The following MTUS2 variants were observed in gnomAD, a reference collection of about 807,000 sequenced individuals.
The protein encoded by MTUS2 is microtubule-associated tumor suppressor candidate 2.
MTUS2 carries 40 observed loss-of-function variants against 114.1 expected under a neutral mutation model. That is an observed-to-expected ratio of 0.35 (90% CI 0.27 to 0.46). The LOEUF is 0.46. Among genes scored for constraint, MTUS2 ranks in the 20% least tolerant of loss-of-function variants. MTUS2 has a pLI of 1.00. For synonymous variants in MTUS2, 688 were observed against 672.0 expected (o/e 1.02, Z -0.37); for missense variants, 1,679 against 1,705.4 (o/e 0.98, Z 0.27).
intron 10 of MTUS2, chr13:29,485,227 A>G (rs1050452812): frequency 2.6e-5 from 4 of 152,594 alleles, no homozygotes; most frequent in Admixed American, 1.3e-4. Flanking sequence ...GCTTGTTTAA[A>G]TCTCCTCCAA....
chr13:29,188,644 G>A (rs558557338), intron 5 of MTUS2, among the ~76,000 whole-genome samples: 12 of 152,300 alleles, frequency 7.9e-5, no homozygotes, highest in Non-Finnish European at 1.3e-4. Flanking sequence ...GGCCACTGCT[G>A]TGCTTCAGGG....
chr13:29,340,762 C>T (rs931243193), intron 7 of MTUS2, among the ~76,000 whole-genome samples: 3 of 152,170 alleles, frequency 2.0e-5, no homozygotes, highest in East Asian at 1.9e-4. Flanking sequence ...TAGCAGTGTA[C>T]GTTGCATGCA....
chr13:28,920,262 A>G (rs1368831258), intron 2 of MTUS2, among the ~76,000 whole-genome samples: 2 of 152,188 alleles, frequency 1.3e-5, no homozygotes, highest in Non-Finnish European at 2.9e-5. Flanking sequence ...AGCTTTCTAG[A>G]TATTCAAAAG....
intron 8 of MTUS2, among the ~76,000 whole-genome samples, chr13:29,374,878 A>G (rs1871458773): frequency 1.3e-5 from 2 of 152,198 alleles, no homozygotes; most frequent in South Asian, 2.1e-4. Context: ...GTGAGCCGAG[A>G]TCATGCCATT....
At chr13:28,965,584 T>TA (rs1324988046) in intron 2 of MTUS2, among the ~76,000 whole-genome samples, 1 of 152,196 alleles carries the variant, frequency 6.6e-6, no homozygotes, top group Non-Finnish European at 1.5e-5. Flanking sequence ...TATATGTATA[T>TA]ATGCATAACA....
chr13:28,876,973 G>T (rs893060201), intron 2 of MTUS2, among the ~76,000 whole-genome samples: 1 of 151,734 alleles, frequency 6.6e-6, no homozygotes, highest in Non-Finnish European at 1.5e-5. Context: ...GTTGCTTATT[G>T]TCTACTTTTA....
intron 2 of MTUS2, among the ~76,000 whole-genome samples, chr13:28,940,613 C>T (rs972344878): frequency 1.3e-5 from 2 of 151,404 alleles, no homozygotes; most frequent in African/African-American, 4.9e-5. Context: ...GAGAGTAGAA[C>T]TGGAAACTGT....
At chr13:29,109,526 C>T (rs1422398821) in intron 5 of MTUS2, among the ~76,000 whole-genome samples, 1 of 152,174 alleles carries the variant, frequency 6.6e-6, no homozygotes, top group Non-Finnish European at 1.5e-5. Context: ...AGATACATTG[C>T]CTGGGCTCAC....
intron 2 of MTUS2, among the ~76,000 whole-genome samples, chr13:28,921,353 T>C (rs1881030601): frequency 6.6e-6 from 1 of 152,242 alleles, no homozygotes; most frequent in Admixed American, 6.5e-5. Context: ...TAGAGCCTCA[T>C]GACTGCCTGG....
chr13:29,012,432 G>A (rs944646476), intron 2 of MTUS2, among the ~76,000 whole-genome samples: 6 of 152,276 alleles, frequency 3.9e-5, no homozygotes, highest in East Asian at 1.9e-4. Context: ...TAAGGCCATC[G>A]GATTTGTGGT....
At chr13:29,237,434 T>C (rs919092278) in intron 5 of MTUS2, among the ~76,000 whole-genome samples, 1 of 152,174 alleles carries the variant, frequency 6.6e-6, no homozygotes, top group Non-Finnish European at 1.5e-5. Context: ...TCCACCACCC[T>C]GCCCCCAAGC....
At chr13:29,062,148 C>T (rs1460015966) in intron 4 of MTUS2, among the ~76,000 whole-genome samples, 1 of 152,134 alleles carries the variant, frequency 6.6e-6, no homozygotes, top group Non-Finnish European at 1.5e-5. Flanking sequence ...TCATGCCTGG[C>T]TAATTTTTGT....
rs187239627 is a variant in MTUS2, at chr13:29,454,621, C to T, written c.3184+14572C>T. Among the ~76,000 whole-genome samples the T allele has an allele frequency of 2.6e-5, 4 of 152,056 alleles. No homozygotes were observed. In the East Asian group the frequency reaches 5.9e-4, roughly 22 times the overall value. On this transcript the variant is annotated intron_variant, in intron 9 of 15. Transcript: ENST00000612955. ...TCCAGAAAAGGCCGTAGCAAGGAAA[C>T]GCAGGAATCAGTGAACAAATGATTC...
At chr13:28,897,687 T>A (rs1489123405) in intron 2 of MTUS2, among the ~76,000 whole-genome samples, 2 of 151,890 alleles carry the variant, frequency 1.3e-5, no homozygotes, top group Non-Finnish European at 2.9e-5. Flanking sequence ...ATTAAGAAAA[T>A]GTGGCACATA....
intron 4 of MTUS2, among the ~76,000 whole-genome samples, chr13:29,042,355 T>G (rs191837573): frequency 1.3e-4 from 20 of 152,248 alleles, no homozygotes; most frequent in African/African-American, 4.3e-4. Flanking sequence ...GTATGCTGTT[T>G]GATTCCATTA....
intron 2 of MTUS2, among the ~76,000 whole-genome samples, chr13:28,862,616 A>AAAACC (rs917019182): frequency 1.3e-5 from 2 of 152,236 alleles, no homozygotes; most frequent in Non-Finnish European, 2.9e-5. Flanking sequence ...CTCCCACTCA[A>AAAACC]AAACCAAACC....
chr13:29,051,274 C>T (rs1172368396), intron 4 of MTUS2, among the ~76,000 whole-genome samples: 2 of 152,062 alleles, frequency 1.3e-5, no homozygotes, highest in Non-Finnish European at 2.9e-5. Flanking sequence ...ACAGAGGAAC[C>T]AATCATGACT....
chr13:29,098,430 C>CT (rs1890267110), intron 4 of MTUS2, among the ~76,000 whole-genome samples: 1 of 147,812 alleles, frequency 6.8e-6, no homozygotes, highest in African/African-American at 2.5e-5. Flanking sequence ...GCAAGGTATA[C>CT]TTTTGCAAGT....
chr13:28,881,864 T>G lies in MTUS2; in HGVS notation c.-243+42014T>G, dbSNP rs372309934. Among the ~76,000 whole-genome samples, 75 of 152,312 alleles carry G rather than the reference T, an allele frequency of 4.9e-4. No homozygotes were observed. In the South Asian group the frequency reaches 0.013, roughly 26 times the overall value. On this transcript the variant is annotated intron_variant, in intron 2 of 15. Transcript: ENST00000612955. The stretch of plus-strand genomic sequence containing the variant: ...TATGGCCGTAGCCAAAGGATGGACA[T>G]AAAGATCAATGGAACAGAATAGAAA...
Sources: allele counts gnomAD v4.1 joint callset (sites outside exome capture counted in the v4.1 genomes callset), GRCh38; gene constraint gnomAD v4.1.1; transcripts MANE v1.5; gene names NCBI Gene and HGNC (gene_info 2026-07-23, HGNC 2026-07-21).